The following ZNF560 variants were observed in gnomAD, a reference collection of about 807,000 sequenced individuals.
The protein encoded by ZNF560 is zinc finger protein 560.
Under a neutral mutation model 81.8 loss-of-function variants are expected in ZNF560, and 54 were observed. The observed-to-expected ratio is 0.66, with a 90% CI of 0.53 to 0.83. ZNF560 has a LOEUF of 0.83. Ranked by LOEUF, ZNF560 falls within the 40% of genes least tolerant of loss-of-function variation. ZNF560 has a pLI of 0.00. For missense variants in ZNF560, 940 were observed against 932.4 expected (o/e 1.01, Z -0.11); for synonymous variants, 321 against 317.9 (o/e 1.01, Z -0.10).
Position 9,495,786 on chromosome 19 carries a change from A to T in ZNF560, c.-57+2342T>A, listed in dbSNP as rs142319648. Among the ~76,000 whole-genome samples the T allele has an allele frequency of 6.6e-5, 10 of 152,356 alleles. No individual in the cohort carries two copies. In the East Asian group the frequency reaches 9.6e-4, roughly 15 times the overall value. On this transcript the variant is annotated intron_variant, in intron 2 of 9. Transcript: ENST00000301480. ...AAAATATATTTGAGTATTCTTATTCAGGATGAAACTGAACAAGACACTGAC... is the reference window on the plus strand; with the variant it reads ...AAAATATATTTGAGTATTCTTATTCTGGATGAAACTGAACAAGACACTGAC...
the ZNF560 span, among the ~76,000 whole-genome samples, chr19:9,460,189 C>A: frequency 6.6e-6 from 1 of 152,186 alleles, no homozygotes; most frequent in East Asian, 1.9e-4. Flanking sequence ...CAAACACCCA[C>A]TGGTGGCAGC....
the ZNF560 span, among the ~76,000 whole-genome samples, chr19:9,506,489 T>C: frequency 6.6e-6 from 1 of 151,932 alleles, no homozygotes; most frequent in Admixed American, 6.6e-5. Context: ...TTATTGATTT[T>C]TAAAAAATTC....
chr19:9,456,073 C>T, the ZNF560 span, among the ~76,000 whole-genome samples: 1 of 152,210 alleles, frequency 6.6e-6, no homozygotes, highest in Non-Finnish European at 1.5e-5. Context: ...CGAGAAACGC[C>T]ATGAGGGGCC....
At chr19:9,458,262 C>G in the ZNF560 span, among the ~76,000 whole-genome samples, 3 of 128,640 alleles carry the variant, frequency 2.3e-5, no homozygotes, top group Non-Finnish European at 3.3e-5. Context: ...ATTTTCCTAA[C>G]ATGAAACTGT....
At chr19:9,478,264 C>A (rs950955177) in intron 2 of ZNF560, among the ~76,000 whole-genome samples, 1 of 151,978 alleles carries the variant, frequency 6.6e-6, no homozygotes. Context: ...TCAGGAAAAA[C>A]AAACAAACAA....
chr19:9,482,486 G>A (rs1434341731), intron 2 of ZNF560, among the ~76,000 whole-genome samples: 2 of 151,520 alleles, frequency 1.3e-5, no homozygotes, highest in African/African-American at 2.4e-5. Context: ...AGGAAGAAAG[G>A]AAGGAAGCCA....
chr19:9,453,444 C>T, the ZNF560 span, among the ~76,000 whole-genome samples: 2 of 135,832 alleles, frequency 1.5e-5, no homozygotes, highest in South Asian at 4.7e-4. Flanking sequence ...TAATGTTTTT[C>T]ATAAAGGAGA....
At chr19:9,500,667 G>T (rs529759679), upstream of ZNF560, among the ~76,000 whole-genome samples, 1 of 151,422 alleles carries the variant, frequency 6.6e-6, no homozygotes, top group Non-Finnish European at 1.5e-5. Context: ...TCCACCTCCC[G>T]GGTTCAAGCA....
At chr19:9,478,468 G>T (rs1469352295) in intron 2 of ZNF560, among the ~76,000 whole-genome samples, 4 of 91,708 alleles carry the variant, frequency 4.4e-5, no homozygotes, top group South Asian at 9.1e-4. Flanking sequence ...ACAAAACTCA[G>T]GTAAAAATAA....
chr19:9,483,608 C>G (rs1273176103), intron 2 of ZNF560, among the ~76,000 whole-genome samples: 1 of 141,222 alleles, frequency 7.1e-6, no homozygotes, highest in African/African-American at 2.5e-5. Context: ...CCCGGCCAGC[C>G]GCCCCGTCTG....
At chr19:9,456,064 G>A in the ZNF560 span, among the ~76,000 whole-genome samples, 64,541 of 152,070 alleles carry the variant, frequency 0.42, 15,638 homozygotes, top group Non-Finnish European at 0.55. Flanking sequence ...ACCCGATTTC[G>A]AGAAACGCCA....
At chr19:9,455,944 A>G in the ZNF560 span, among the ~76,000 whole-genome samples, 1 of 152,206 alleles carries the variant, frequency 6.6e-6, no homozygotes, top group Non-Finnish European at 1.5e-5. Context: ...AGAGGGTCCA[A>G]CTACCCATTG....
At chr19:9,500,678 A>G (rs548104206), upstream of ZNF560, among the ~76,000 whole-genome samples, 1 of 151,290 alleles carries the variant, frequency 6.6e-6, no homozygotes, top group African/African-American at 2.4e-5. Context: ...GGTTCAAGCA[A>G]TTCTCTGCCT....
At chr19:9,481,081 T>TCA (rs1568459742) in intron 2 of ZNF560, among the ~76,000 whole-genome samples, 6 of 90,322 alleles carry the variant, frequency 6.6e-5, no homozygotes, top group African/African-American at 2.5e-4. Context: ...AGAGATTATC[T>TCA]GAAAAAAAAA....
At chr19:9,491,597 C>G (rs1181882514) in intron 2 of ZNF560, among the ~76,000 whole-genome samples, 2 of 151,976 alleles carry the variant, frequency 1.3e-5, no homozygotes, top group African/African-American at 4.8e-5. Context: ...GAGGCTGAGG[C>G]TGGCAGATCA....
the ZNF560 span, among the ~76,000 whole-genome samples, chr19:9,505,961 G>A: frequency 4.0e-5 from 6 of 150,296 alleles, no homozygotes; most frequent in South Asian, 1.3e-3. Flanking sequence ...ACCACACCAG[G>A]CTTTCATTCA....
chr19:9,473,695 T>G (rs2073156939), intron 4 of ZNF560, among the ~76,000 whole-genome samples: 1 of 150,746 alleles, frequency 6.6e-6, no homozygotes, highest in Non-Finnish European at 1.5e-5. Flanking sequence ...ACTGAAAATA[T>G]CTCTTATTTC....
At chr19:9,455,697 T>C in the ZNF560 span, among the ~76,000 whole-genome samples, 17 of 152,242 alleles carry the variant, frequency 1.1e-4, no homozygotes, top group African/African-American at 4.1e-4. Flanking sequence ...GTTGCAGTTA[T>C]TAGCTTTTGA....
chr19:9,493,970 TAA>T (rs1419162145), intron 2 of ZNF560, among the ~76,000 whole-genome samples: 8 of 151,486 alleles, frequency 5.3e-5, no homozygotes. Flanking sequence ...CTGTCTCTAC[TAA>T]AAATACAAAA....
Sources: gnomAD v4.1 joint callset for allele counts (sites outside exome capture counted in the v4.1 genomes callset) on GRCh38, gnomAD v4.1.1 for gene constraint, MANE v1.5 for transcripts, NCBI Gene and HGNC (gene_info 2026-07-23, HGNC 2026-07-21) for gene names.